Variants in ZPBP observed in about 807,000 individuals in gnomAD.
ZPBP encodes the protein zona pellucida binding protein.
In ZPBP, 26 loss-of-function variants were observed where a neutral mutation model predicts 44.8. That is an observed-to-expected ratio of 0.58 (90% CI 0.43 to 0.81). ZPBP has a LOEUF of 0.81. Among genes scored for constraint, ZPBP ranks in the 30% least tolerant of loss-of-function variants. The pLI, the probability that ZPBP is intolerant of heterozygous loss-of-function variation, is 0.00. For missense variants in ZPBP, 409 were observed against 434.0 expected (o/e 0.94, Z 0.51); for synonymous variants, 174 against 153.2 (o/e 1.14, Z -1.00).
intron 1 of ZPBP, among the ~76,000 whole-genome samples, chr7:50,090,595 G>T (rs538792533): frequency 7.3e-6 from 1 of 137,536 alleles, no homozygotes; most frequent in African/African-American, 2.8e-5. Context: ...ATATATATGC[G>T]TATATATGCG....
At chr7:49,860,206 T>G (rs1396655102) in intron 2 of ZPBP, among the ~76,000 whole-genome samples, 1 of 152,214 alleles carries the variant, frequency 6.6e-6, no homozygotes, top group Non-Finnish European at 1.5e-5. Flanking sequence ...TCCAAAATTT[T>G]TCATCATTCC....
At chr7:50,038,702 AC>A (rs1181437419) in intron 4 of ZPBP, among the ~76,000 whole-genome samples, 3 of 152,242 alleles carry the variant, frequency 2.0e-5, no homozygotes, top group Non-Finnish European at 2.9e-5. Flanking sequence ...TTGGTCAACA[AC>A]AAACGGCATA....
In ZPBP at chr7:50,089,725, A is replaced by T. The variant is rs1318318377; in HGVS notation, c.128-16T>A. On this transcript the variant is annotated splice_polypyrimidine_tract_variant and intron_variant, in intron 1 of 7. Transcript: ENST00000046087. ...AAGTGTCCAACTATCAAAAAAAAAGATCAACAATTTGTCTCATTAGATATT... is the reference window on the plus strand; with the variant it reads ...AAGTGTCCAACTATCAAAAAAAAAGTTCAACAATTTGTCTCATTAGATATT... 13 of 1,588,744 alleles carry T rather than the reference A, an allele frequency of 8.2e-6. No homozygotes were observed. In the South Asian group the frequency reaches 1.1e-4, roughly 14 times the overall value.
chr7:49,943,145 T>C, intron 7 of ZPBP: 1 of 321,618 alleles, frequency 3.1e-6, no homozygotes, highest in Non-Finnish European at 6.1e-6. Flanking sequence ...CACCCTTTAG[T>C]AACTTCCCAG....
At chr7:49,901,011 C>T (rs11977762) in intron 2 of ZPBP, 1 of 151,566 alleles carries the variant, frequency 6.6e-6, no homozygotes, top group Non-Finnish European at 1.5e-5. Context: ...AGAAAAAAGA[C>T]CTGACAAAAT....
intron 2 of ZPBP, among the ~76,000 whole-genome samples, chr7:50,087,103 G>A (rs1419868926): frequency 6.6e-6 from 1 of 152,000 alleles, no homozygotes; most frequent in Non-Finnish European, 1.5e-5. Flanking sequence ...ATTCACTGGT[G>A]AATTTTACCA....
At chr7:49,893,805 A>G (rs982145800) in intron 2 of ZPBP, among the ~76,000 whole-genome samples, 29 of 152,232 alleles carry the variant, frequency 1.9e-4, no homozygotes, top group Non-Finnish European at 3.4e-4. Flanking sequence ...AATTTACAAT[A>G]AGTTACAGAA....
chr7:50,040,591 A>G (rs1004645071), intron 4 of ZPBP, among the ~76,000 whole-genome samples: 1 of 152,166 alleles, frequency 6.6e-6, no homozygotes, highest in Admixed American at 6.5e-5. Context: ...AGCCAAGGGA[A>G]GACATGAGGG....
chr7:49,864,950 T>A (rs1790816220), intron 2 of ZPBP, among the ~76,000 whole-genome samples: 1 of 152,204 alleles, frequency 6.6e-6, no homozygotes, highest in African/African-American at 2.4e-5. Flanking sequence ...TTCTGACAGT[T>A]CCTGTTTGTT....
intron 2 of ZPBP, among the ~76,000 whole-genome samples, chr7:49,853,156 G>C (rs1272494695): frequency 1.3e-5 from 2 of 152,268 alleles, no homozygotes; most frequent in Non-Finnish European, 2.9e-5. Flanking sequence ...GCAGTCACTG[G>C]GGTGGACTTG....
chr7:49,886,549 T>C (rs2128728884), intron 2 of ZPBP, among the ~76,000 whole-genome samples: 1 of 152,334 alleles, frequency 6.6e-6, no homozygotes, highest in South Asian at 2.1e-4. Context: ...TTATCAAATG[T>C]CCCTATTCAG....
intron 2 of ZPBP, among the ~76,000 whole-genome samples, chr7:49,891,055 T>C (rs1198085671): frequency 6.6e-6 from 1 of 152,194 alleles, no homozygotes; most frequent in African/African-American, 2.4e-5. Flanking sequence ...AAAAATCAAT[T>C]AAATATATTT....
At position 50,093,069 on chromosome 7, in the gene ZPBP, T is replaced by C. The variant is rs756691085; in HGVS notation, c.126A>G (p.Ser42=). 1 of 1,600,852 alleles carries C rather than the reference T, an allele frequency of 6.2e-7. No individual in the cohort carries two copies. Among genetic ancestry groups the C allele is most frequent in the Non-Finnish European group, 8.5e-7 (1 of 1,174,206 alleles). ...CGGCAGGGCGGCGCGGACCCTCACC[T>C]GATGAGGGCACCCGCACCAGGAAGG... ...ISAFLVRVPS[S]VGHLVRLPRA... The change falls in exon 1 of 8, where the codon TCA becomes TCG. Residue 42 remains serine (S), a splice_region_variant and synonymous_variant. Coordinates refer to ENST00000046087, the MANE Select transcript of ZPBP (RefSeq NM_007009.3).
At chr7:49,937,991 A>G (rs1289806621) in intron 7 of ZPBP, among the ~76,000 whole-genome samples, 1 of 152,214 alleles carries the variant, frequency 6.6e-6, no homozygotes, top group Admixed American at 6.5e-5. Context: ...TCCTATGAGA[A>G]TCTAATGCCA....
Position 50,004,282 on chromosome 7 carries a change from G to C in ZPBP, c.783+13958C>G, listed in dbSNP as rs192653792. Among the ~76,000 whole-genome samples the C allele has an allele frequency of 1.5e-4, 22 of 151,684 alleles. 1 individual carries two copies. The highest frequency in any genetic ancestry group is 1.4e-3 in the Admixed American group (22 of 15,214). ...CCAGATGCTTGCCTCCTTTCCTCCT[G>C]CCCTGGGATGTCAAACTCCAGGTTT... On this transcript the variant is annotated intron_variant, in intron 6 of 7. Coordinates refer to ENST00000046087, the MANE Select transcript of ZPBP (RefSeq NM_007009.3).
chr7:49,936,468 G>T (rs953453904), downstream of ZPBP, among the ~76,000 whole-genome samples: 4 of 152,152 alleles, frequency 2.6e-5, no homozygotes, highest in African/African-American at 9.7e-5. Flanking sequence ...CACATCCTAG[G>T]TATAGGTGAA....
chr7:50,005,342 T>C (rs561209863), intron 6 of ZPBP, among the ~76,000 whole-genome samples: 11 of 151,874 alleles, frequency 7.2e-5, no homozygotes, highest in African/African-American at 2.7e-4. Flanking sequence ...TAAACAAAAA[T>C]ATATAGAAAA....
At chr7:49,973,580 A>G (rs1446431923) in intron 7 of ZPBP, among the ~76,000 whole-genome samples, 1 of 152,168 alleles carries the variant, frequency 6.6e-6, no homozygotes, top group Non-Finnish European at 1.5e-5. Flanking sequence ...CAATAAACAC[A>G]TGAAAAGATG....
chr7:50,064,449 T>C (rs563188273), intron 3 of ZPBP, among the ~76,000 whole-genome samples: 42 of 152,266 alleles, frequency 2.8e-4, no homozygotes, highest in African/African-American at 1.0e-3. Context: ...AGGCAGGAAT[T>C]TCCTCTTCCT....
Sources: allele counts gnomAD v4.1 joint callset (sites outside exome capture counted in the v4.1 genomes callset), GRCh38; gene constraint gnomAD v4.1.1; transcripts MANE v1.5; gene names NCBI Gene and HGNC (gene_info 2026-07-23, HGNC 2026-07-21).